The following MTHFD1L variants were observed in gnomAD, a reference collection of about 807,000 sequenced individuals.
The protein encoded by MTHFD1L is methylenetetrahydrofolate dehydrogenase (NADP+ dependent) 1 like, also known as monofunctional C1-tetrahydrofolate synthase, mitochondrial.
Under a neutral mutation model 119.5 loss-of-function variants are expected in MTHFD1L, and 81 were observed. The observed-to-expected ratio is 0.68, with a 90% CI of 0.57 to 0.82. The LOEUF (loss-of-function observed/expected upper bound fraction) is 0.82, where lower values mean the gene tolerates loss of function less well. Ranked by LOEUF, MTHFD1L falls within the 40% of genes least tolerant of loss-of-function variation. MTHFD1L has a pLI of 0.00. For synonymous variants in MTHFD1L, 430 were observed against 475.2 expected, an observed-to-expected ratio of 0.90 and a Z score of 1.24; for missense variants, 1,125 against 1,253.4, an observed-to-expected ratio of 0.90 and a Z score of 1.55.
intron 8 of MTHFD1L, among the ~76,000 whole-genome samples, chr6:150,913,495 G>A (rs978845577): frequency 2.7e-4 from 41 of 152,010 alleles, no homozygotes; most frequent in Admixed American, 1.4e-3. Flanking sequence ...TTCTAGAGAC[G>A]AGGTTTCACC....
rs541188970 is a variant in MTHFD1L, at chr6:150,921,329, G to C, written c.985-876G>C. On this transcript the variant is annotated intron_variant, in intron 9 of 27. Coordinates refer to ENST00000367321, the MANE Select transcript of MTHFD1L (RefSeq NM_015440.5). ...AGACGGGGTTTCTCCATGTTGGTCAGGCTGGTCTCGAACTCCCGACCTCAG... is the reference window on the plus strand; with the variant it reads ...AGACGGGGTTTCTCCATGTTGGTCACGCTGGTCTCGAACTCCCGACCTCAG... Among the ~76,000 whole-genome samples, 3 of 152,168 alleles carry C rather than the reference G, an allele frequency of 2.0e-5. No homozygotes were observed. In the East Asian group the frequency reaches 5.8e-4, roughly 30 times the overall value.
intron 11 of MTHFD1L, among the ~76,000 whole-genome samples, chr6:150,927,627 T>G (rs575164140): frequency 1.3e-5 from 2 of 152,154 alleles, no homozygotes; most frequent in Admixed American, 1.3e-4. Flanking sequence ...CAGCTAATTT[T>G]TGTATTTTTA....
At chr6:151,037,212 T>A (rs539658231) in intron 26 of MTHFD1L, 95 bp downstream of exon 26, 5 of 1,345,332 alleles carry the variant, frequency 3.7e-6, no homozygotes, top group Non-Finnish European at 5.2e-6. Flanking sequence ...AAATCATGGA[T>A]TAGGGAAAAT....
intron 20 of MTHFD1L, among the ~76,000 whole-genome samples, chr6:151,004,201 T>C (rs980426678): frequency 1.3e-5 from 2 of 151,932 alleles, no homozygotes; most frequent in Non-Finnish European, 2.9e-5. Flanking sequence ...ATCACGCTCC[T>C]GTAATCCCAG....
intron 19 of MTHFD1L, among the ~76,000 whole-genome samples, chr6:150,970,550 C>G (rs1246314581): frequency 6.6e-6 from 1 of 152,130 alleles, no homozygotes; most frequent in Non-Finnish European, 1.5e-5. Flanking sequence ...GCTTAGAACT[C>G]TGGTAAGCTA....
At chr6:150,921,559 T>G (rs1788947633) in intron 9 of MTHFD1L, among the ~76,000 whole-genome samples, 1 of 152,142 alleles carries the variant, frequency 6.6e-6, no homozygotes, top group Non-Finnish European at 1.5e-5. Context: ...GCCTATTTAT[T>G]CATTTATTTT....
chr6:151,084,748 G>A (rs189402245), intron 26 of MTHFD1L, among the ~76,000 whole-genome samples: 7 of 151,402 alleles, frequency 4.6e-5, no homozygotes, highest in Admixed American at 1.3e-4. Flanking sequence ...GGCAGATCAC[G>A]AGGTCAGGAG....
chr6:150,969,155 T>C (rs1323035655), intron 19 of MTHFD1L, among the ~76,000 whole-genome samples: 1 of 151,996 alleles, frequency 6.6e-6, no homozygotes, highest in African/African-American at 2.4e-5. Flanking sequence ...CAAATTTTTG[T>C]ATTTTTAGTA....
At chr6:151,050,085 G>A (rs1278922850) in intron 26 of MTHFD1L, among the ~76,000 whole-genome samples, 4 of 152,146 alleles carry the variant, frequency 2.6e-5, no homozygotes, top group East Asian at 3.9e-4. Context: ...CACCCAGGTC[G>A]GGCATGGAAG....
chr6:151,061,246 G>A (rs1790587928), intron 26 of MTHFD1L, among the ~76,000 whole-genome samples: 2 of 152,098 alleles, frequency 1.3e-5, no homozygotes, highest in South Asian at 4.2e-4. Flanking sequence ...TCAAGTCCAG[G>A]GGAGCTCAGG....
At chr6:151,005,642 C>T (rs931699058) in intron 20 of MTHFD1L, among the ~76,000 whole-genome samples, 1 of 152,038 alleles carries the variant, frequency 6.6e-6, no homozygotes, top group African/African-American at 2.4e-5. Flanking sequence ...GGCATGATGG[C>T]GGGTGCCTGT....
At chr6:150,873,531 G>A (rs535292761) in intron 1 of MTHFD1L, among the ~76,000 whole-genome samples, 73 of 152,208 alleles carry the variant, frequency 4.8e-4, no homozygotes, top group Non-Finnish European at 9.1e-4. Context: ...TTAGAGACTT[G>A]TCCACGCTAG....
chr6:150,979,443 C>G (rs530192193), intron 20 of MTHFD1L, among the ~76,000 whole-genome samples: 1 of 152,234 alleles, frequency 6.6e-6, no homozygotes, highest in South Asian at 2.1e-4. Context: ...CTTATCGAGT[C>G]CCACTGTTTC....
chr6:150,871,891 A>ATTTTTTTTTTTTTTTTTTTTT (rs1562287413), intron 1 of MTHFD1L, among the ~76,000 whole-genome samples: 12 of 147,052 alleles, frequency 8.2e-5, no homozygotes, highest in African/African-American at 3.0e-4. Flanking sequence ...ATTTTATTTT[A>ATTTTTTTTTTTTTTTTTTTTT]TTTTTTGAGA....
chr6:150,964,173 T>G (rs1796863822), intron 18 of MTHFD1L, among the ~76,000 whole-genome samples: 2 of 152,174 alleles, frequency 1.3e-5, no homozygotes, highest in Admixed American at 6.5e-5. Flanking sequence ...GAAAAGAATG[T>G]GAATATTGAC....
At chr6:151,086,626 CAA>C (rs1183291951) in intron 26 of MTHFD1L, among the ~76,000 whole-genome samples, 1 of 152,084 alleles carries the variant, frequency 6.6e-6, no homozygotes, top group Non-Finnish European at 1.5e-5. Flanking sequence ...CTCCTGGGCT[CAA>C]GAGATCCTCC....
At chr6:150,929,905 A>C (rs1001612937) in intron 11 of MTHFD1L, among the ~76,000 whole-genome samples, 1 of 152,154 alleles carries the variant, frequency 6.6e-6, no homozygotes, top group Non-Finnish European at 1.5e-5. Context: ...TGCTGGTAAG[A>C]TTATGATATA....
chr6:151,045,463 C>G (rs73620698), intron 26 of MTHFD1L, among the ~76,000 whole-genome samples: 3,827 of 152,308 alleles, frequency 0.025, 177 homozygotes, highest in African/African-American at 0.086. Flanking sequence ...AACAAAGAAA[C>G]CTTGAGCTTA....
intron 8 of MTHFD1L, chr6:150,913,033 A>C (rs1013777777): frequency 5.1e-5 from 8 of 157,744 alleles, no homozygotes; most frequent in Admixed American, 1.3e-4. Flanking sequence ...TTTTTGAGAC[A>C]GAGTCTCGCT....
Sources: allele counts gnomAD v4.1 joint callset (sites outside exome capture counted in the v4.1 genomes callset), GRCh38; gene constraint gnomAD v4.1.1; transcripts MANE v1.5; gene names NCBI Gene and HGNC (gene_info 2026-07-23, HGNC 2026-07-21).